Variants in UGGT1 observed in about 807,000 individuals in gnomAD.
UGGT1 encodes the protein UDP-glucose:glycoprotein glucosyltransferase 1.
UGGT1 carries 107 observed loss-of-function variants against 203.9 expected under a neutral mutation model. That is an observed-to-expected ratio of 0.52 (90% CI 0.45 to 0.62). The LOEUF (loss-of-function observed/expected upper bound fraction) is 0.62. Ranked by LOEUF, UGGT1 falls within the 20% of genes least tolerant of loss-of-function variation. The probability of loss-of-function intolerance (pLI) is 0.00; values close to 1 mark genes in which losing one functional copy is unlikely to be tolerated. For missense variants in UGGT1, 1,673 were observed against 1,867.2 expected (o/e 0.90, Z 1.92); for synonymous variants, 628 against 653.5 (o/e 0.96, Z 0.59).
chr2:128,111,262 G>A (rs988421020), intron 5 of UGGT1, among the ~76,000 whole-genome samples: 2 of 152,164 alleles, frequency 1.3e-5, no homozygotes, highest in East Asian at 3.9e-4. Context: ...GGCTGTGGTG[G>A]GAGGATCACT....
At chr2:128,104,045 T>C (rs980959684) in intron 3 of UGGT1, 31 bp downstream of exon 3, 1 of 1,489,318 alleles carries the variant, frequency 6.7e-7, no homozygotes, top group Non-Finnish European at 9.0e-7. Context: ...TCTTTGACTT[T>C]GGTGTCTGGG....
At chr2:128,108,974 A>G (rs1395874383) in intron 4 of UGGT1, among the ~76,000 whole-genome samples, 4 of 152,126 alleles carry the variant, frequency 2.6e-5, no homozygotes, top group African/African-American at 7.2e-5. Flanking sequence ...CAGTGGCGCA[A>G]TCACAGCTCA....
chr2:128,129,009 C>T lies in UGGT1; in HGVS notation c.1227-20C>T. On this transcript the variant is annotated intron_variant, in intron 12 of 40. Transcript: ENST00000259253. ...AAGCTTTTTTTCCTAGTAAATATCT[C>T]TTTTTGTTTTTCCCCCCAGTCTGTT... 3 of 1,522,462 alleles carry T rather than the reference C, an allele frequency of 2.0e-6. No individual in the cohort carries two copies. The highest frequency in any genetic ancestry group is 2.3e-5 in the Admixed American group (1 of 43,006). The allele number at this position is 1,522,462 out of a possible 1,614,324, so 94.3% of individuals were successfully genotyped here. A position where few individuals can be genotyped will look rare whatever the true frequency, so the allele number is the denominator to read the frequency against.
chr2:128,122,101 C>A (rs1328217857), intron 10 of UGGT1, among the ~76,000 whole-genome samples: 1 of 152,084 alleles, frequency 6.6e-6, no homozygotes, highest in African/African-American at 2.4e-5. Context: ...GTGGCTCATG[C>A]CTGTAATCCC....
intron 1 of UGGT1, among the ~76,000 whole-genome samples, chr2:128,093,513 C>G (rs557189729): frequency 7.9e-5 from 12 of 152,090 alleles, no homozygotes; most frequent in African/African-American, 2.9e-4. Context: ...GGTTGGATTG[C>G]TTCGGTCCCA....
In UGGT1 at chr2:128,129,199, G is replaced by A. The variant is rs374143363; in HGVS notation, c.1377+20G>A. 142 of 1,593,550 alleles carry A rather than the reference G, an allele frequency of 8.9e-5. No homozygotes were observed. The highest frequency in any genetic ancestry group is 1.1e-4 in the Non-Finnish European group (132 of 1,173,250). ...ATTTCAGTGAGTATTTTGTTAGGGT[G>A]ATCAAAGGACTTTCTGACCAGGAAT... On this transcript the variant is annotated intron_variant, in intron 13 of 40. Transcript: ENST00000259253.
At chr2:128,189,188 TACAA>T (rs1254404767) in intron 40 of UGGT1, among the ~76,000 whole-genome samples, 2 of 152,360 alleles carry the variant, frequency 1.3e-5, no homozygotes, top group Admixed American at 1.3e-4. Context: ...TAGCCCTTGT[TACAA>T]AGCAGTACAT....
chr2:128,135,535 A>G (rs1440390720), intron 15 of UGGT1, among the ~76,000 whole-genome samples: 2 of 152,218 alleles, frequency 1.3e-5, no homozygotes, highest in Non-Finnish European at 2.9e-5. Context: ...GTGAAATTTT[A>G]ATTCTTAGAA....
At chr2:128,112,421 CA>C (rs1171875836) in intron 5 of UGGT1, among the ~76,000 whole-genome samples, 126 of 52,722 alleles carry the variant, frequency 2.4e-3, no homozygotes, top group African/African-American at 4.9e-3. Flanking sequence ...ACTCCATCTC[CA>C]AAAAAAAAAA....
intron 1 of UGGT1, among the ~76,000 whole-genome samples, chr2:128,092,813 C>A (rs751263359): frequency 2.3e-4 from 35 of 152,170 alleles, no homozygotes; most frequent in Middle Eastern, 3.4e-3. Flanking sequence ...ACCTCAGCCT[C>A]CTACGGATGG....
intron 18 of UGGT1, among the ~76,000 whole-genome samples, chr2:128,150,870 A>T (rs1689928899): frequency 6.6e-6 from 1 of 151,632 alleles, no homozygotes; most frequent in African/African-American, 2.4e-5. Context: ...TCTGTTTTTG[A>T]GATGGAGCCT....
intron 17 of UGGT1, among the ~76,000 whole-genome samples, chr2:128,143,952 C>CTGT (rs1257071851): frequency 1.1e-4 from 16 of 152,098 alleles, no homozygotes; most frequent in Middle Eastern, 6.8e-3. Flanking sequence ...ACTTGTAAAT[C>CTGT]TGTTCCTTTT....
chr2:128,183,679 C>T lies in UGGT1; in HGVS notation c.4249C>T (p.Leu1417=), dbSNP rs1394601718. ...AAGCGGGTCTTCTTTATTCAGTGCA[C>T]TATATGTTGTGGATCTGAAGAAGTT... The part of the protein sequence containing the change: ...LAGRKYHISA[L]YVVDLKKFRK... The change falls in exon 38 of 41, where the codon CTA becomes TTA. Residue 1417 remains leucine, a synonymous_variant. Coordinates refer to ENST00000259253, the MANE Select transcript of UGGT1 (RefSeq NM_020120.4). 2 of 1,612,858 alleles carry T rather than the reference C, an allele frequency of 1.2e-6. No homozygotes were observed. Among genetic ancestry groups the T allele is most frequent in the South Asian group, 2.2e-5 (2 of 91,046 alleles).
rs76131649 is a variant in UGGT1, at chr2:128,098,792, G to A, written c.194+1228G>A. 4.1e-3 allele frequency among the ~76,000 whole-genome samples: 624 copies of A among 151,458 alleles called. 5 individuals are homozygous for A. The highest frequency in any genetic ancestry group is 0.013 in the African/African-American group (547 of 41,346). ...AAAGAAGTTATCTTACGATTAAAAT[G>A]GGTAGAATTTTTCATAAAACAATAG... On this transcript the variant is annotated intron_variant, in intron 2 of 40. Coordinates refer to ENST00000259253, the MANE Select transcript of UGGT1 (RefSeq NM_020120.4).
intron 19 of UGGT1, among the ~76,000 whole-genome samples, chr2:128,153,474 A>G (rs758930060): frequency 3.3e-5 from 5 of 152,110 alleles, no homozygotes; most frequent in Admixed American, 6.5e-5. Flanking sequence ...TCACCCCCCA[A>G]AAATTCCCCA....
At chr2:128,141,062 A>G (rs1400625600) in intron 16 of UGGT1, among the ~76,000 whole-genome samples, 1 of 151,810 alleles carries the variant, frequency 6.6e-6, no homozygotes, top group Non-Finnish European at 1.5e-5. Context: ...AGTGGCTCAC[A>G]CCTATAATTC....
intron 10 of UGGT1, among the ~76,000 whole-genome samples, chr2:128,122,607 C>T (rs1688434742): frequency 6.6e-6 from 1 of 151,958 alleles, no homozygotes; most frequent in South Asian, 2.1e-4. Flanking sequence ...CTGCACATCT[C>T]ATAAATGCAA....
At chr2:128,186,193 T>A (rs889221754) in intron 38 of UGGT1, among the ~76,000 whole-genome samples, 23 of 152,376 alleles carry the variant, frequency 1.5e-4, no homozygotes, top group African/African-American at 5.3e-4. Context: ...CCTCTAAAAT[T>A]TGTAGTTTTG....
At position 128,143,102 on chromosome 2, in the gene UGGT1, C is replaced by G; in HGVS notation, c.1728C>G (p.Asn576Lys). The G allele has an allele frequency of 1.2e-6, 2 of 1,600,618 alleles. No individual in the cohort carries two copies. Among genetic ancestry groups the G allele is most frequent in the South Asian group, 1.1e-5 (1 of 88,496 alleles). The change falls in exon 17 of 41, where the codon AAC becomes AAG. Residue 576 changes from asparagine (N) to lysine (K), a missense_variant. Physicochemically the swap from Asn to Lys is moderately conservative, Grantham distance 94. Coordinates refer to ENST00000259253, the MANE Select transcript of UGGT1 (RefSeq NM_020120.4). ...GTTTTTTCTTTCTTCAGATCTATAA[C>G]AAGGTGAGGACTGGAGAAAAAGTGA... The part of the protein sequence containing the change: ...HAFQTLTHIY[N>K]KVRTGEKVKV...
Sources: gnomAD v4.1 joint callset for allele counts (sites outside exome capture counted in the v4.1 genomes callset) on GRCh38, gnomAD v4.1.1 for gene constraint, MANE v1.5 for transcripts, NCBI Gene and HGNC (gene_info 2026-07-23, HGNC 2026-07-21) for gene names.